The following IQSEC1 variants were observed in gnomAD, a reference collection of about 807,000 sequenced individuals.
IQSEC1 encodes the protein IQ motif and SEC7 domain-containing protein 1.
Under a neutral mutation model 91.0 loss-of-function variants are expected in IQSEC1, and 31 were observed. The ratio of observed to expected loss-of-function variants is 0.34; its 90% confidence interval spans 0.26 to 0.46. The LOEUF is 0.46. Among genes scored for constraint, IQSEC1 ranks in the 20% least tolerant of loss-of-function variants. IQSEC1 has a pLI of 1.00. For synonymous variants in IQSEC1, 699 were observed against 662.6 expected (o/e 1.05, Z -0.84); for missense variants, 1,388 against 1,575.6 (o/e 0.88, Z 2.02).
intron 1 of IQSEC1, among the ~76,000 whole-genome samples, chr3:12,981,838 C>T (rs1441107334): frequency 6.6e-6 from 1 of 152,182 alleles, no homozygotes; most frequent in Non-Finnish European, 1.5e-5. Context: ...GGTCAGGAGC[C>T]GGGTGAGACC....
At chr3:13,208,620 G>C (rs557116998) in intron 1 of IQSEC1, among the ~76,000 whole-genome samples, 6 of 152,326 alleles carry the variant, frequency 3.9e-5, no homozygotes, top group Non-Finnish European at 7.4e-5. Context: ...GATGAGCTCT[G>C]GCCTGACCCA....
chr3:12,916,247 G>A (rs1453850498), intron 6 of IQSEC1, among the ~76,000 whole-genome samples: 1 of 152,200 alleles, frequency 6.6e-6, no homozygotes, highest in Non-Finnish European at 1.5e-5. Context: ...CCACAGCACA[G>A]GCTTGTTGTG....
intron 1 of IQSEC1, among the ~76,000 whole-genome samples, chr3:12,950,827 T>C (rs918334998): frequency 6.6e-6 from 1 of 152,052 alleles, no homozygotes; most frequent in African/African-American, 2.4e-5. Flanking sequence ...TTTGTATTTT[T>C]AGTAGAGACG....
At chr3:13,195,011 T>C (rs998286554) in intron 1 of IQSEC1, among the ~76,000 whole-genome samples, 6 of 152,084 alleles carry the variant, frequency 3.9e-5, no homozygotes, top group African/African-American at 1.2e-4. Flanking sequence ...CTCAGCAAAA[T>C]TGTAAAATGT....
chr3:12,990,695 A>G (rs1001669505), intron 1 of IQSEC1, among the ~76,000 whole-genome samples: 3 of 152,160 alleles, frequency 2.0e-5, no homozygotes, highest in African/African-American at 7.2e-5. Flanking sequence ...ACAGACTGGT[A>G]AACTGCTGGG....
At chr3:13,191,765 A>T (rs774559560) in intron 1 of IQSEC1, among the ~76,000 whole-genome samples, 1 of 152,210 alleles carries the variant, frequency 6.6e-6, no homozygotes, top group Non-Finnish European at 1.5e-5. Flanking sequence ...GTCCTCTTTG[A>T]TAATTTCCTT....
At chr3:13,154,941 A>T (rs1707062216) in intron 2 of IQSEC1, among the ~76,000 whole-genome samples, 1 of 152,204 alleles carries the variant, frequency 6.6e-6, no homozygotes, top group Non-Finnish European at 1.5e-5. Context: ...CTTAGAGGAG[A>T]AGAAAAAAAA....
chr3:13,279,761 G>A (rs1253270596), intron 1 of IQSEC1, among the ~76,000 whole-genome samples: 1 of 152,190 alleles, frequency 6.6e-6, no homozygotes, highest in Non-Finnish European at 1.5e-5. Flanking sequence ...CAGGGCCTCT[G>A]TGTGCAGGTA....
chr3:13,275,442 C>T (rs1241407200), intron 1 of IQSEC1, among the ~76,000 whole-genome samples: 2 of 152,194 alleles, frequency 1.3e-5, no homozygotes, highest in Non-Finnish European at 2.9e-5. Flanking sequence ...CTGGTCTGTG[C>T]CCATCTGGGC....
Position 12,901,165 on chromosome 3 carries a change from C to CGTGCTGGATGTGCTGGGGTGG in IQSEC1, c.3142_3162dup (p.Pro1048_His1054dup), listed in dbSNP as rs1559595361. 6.5e-7 allele frequency: 1 copy of CGTGCTGGATGTGCTGGGGTGG among 1,542,762 alleles called. No individual in the cohort carries two copies. The highest frequency in any genetic ancestry group is 1.4e-5 in the African/African-American group (1 of 72,768). ...TGGGGGCCGTGGTGGTACTGGTGTG[C>CGTGCTGGATGTGCTGGGGTGG]GTGCTGGATGTGCTGGGGTGGGTGG... On this transcript the variant is annotated inframe_insertion, in exon 14 of 14. Transcript: ENST00000613206.
intron 1 of IQSEC1, among the ~76,000 whole-genome samples, chr3:13,173,302 G>A (rs566264719): frequency 2.0e-5 from 3 of 152,302 alleles, no homozygotes; most frequent in South Asian, 4.1e-4. Flanking sequence ...TCTGAGTCTC[G>A]TGTCCCCTCC....
intron 1 of IQSEC1, among the ~76,000 whole-genome samples, chr3:12,944,425 C>T (rs755209711): frequency 6.6e-6 from 1 of 152,216 alleles, no homozygotes; most frequent in African/African-American, 2.4e-5. Flanking sequence ...TGCAGGGGAG[C>T]GTTGGCCTCG....
chr3:12,922,110 C>A lies in IQSEC1; in HGVS notation c.1853+10G>T. The A allele has an allele frequency of 2.5e-6, 4 of 1,575,378 alleles. No individual in the cohort carries two copies. The South Asian group carries it at 4.5e-5, about 18-fold the overall frequency. ...CCTGATGCAGCAGCCCCAGCCAGCC[C>A]GGGCCCCACCTGAACGCCTCTATGA... On this transcript the variant is annotated intron_variant, in intron 5 of 13. Transcript: ENST00000613206. This position sits in a 1 kb window ranked among gnomAD's most constrained non-coding sequence, Gnocchi z 5.1.
chr3:13,222,674 G>A (rs1300665595), intron 1 of IQSEC1, among the ~76,000 whole-genome samples: 1 of 152,204 alleles, frequency 6.6e-6, no homozygotes, highest in Non-Finnish European at 1.5e-5. Context: ...GGCCAAGCTC[G>A]GTGGTAGAGG....
rs765723607 is a variant in IQSEC1 at position 12,935,988 on chromosome 3, G to C, written c.1028C>G (p.Thr343Arg). 1 of 1,599,640 alleles carries C rather than the reference G, an allele frequency of 6.3e-7. No homozygotes were observed. Among genetic ancestry groups the C allele is most frequent in the South Asian group, 1.1e-5 (1 of 91,054 alleles). The change falls in exon 3 of 14, where the codon ACG (threonine) becomes AGG (arginine). Residue 343 changes from threonine (T) to arginine (R), a missense_variant. Around this residue, in one of 2 missense-constraint regions of IQSEC1, gnomAD observed 1,059 missense variants for 1,317.8 expected, o/e 0.80. Transcript: ENST00000613206. This position sits in a 1 kb window ranked among gnomAD's most constrained non-coding sequence, Gnocchi z 8.0. ...CAGCGACGGCGTGCTCCGGCAGCTC[G>C]TGTCCGTGTCAGCCTTGTCCTCTTT... ...AHKEDKADTD[T>R]SCRSTPSLER...
chr3:12,967,530 C>CGCCGGATCCCGGG lies in IQSEC1; in HGVS notation c.24-25678_24-25666dup. On this transcript the variant is annotated intron_variant, in intron 1 of 13. Transcript: ENST00000613206. The surrounding 1 kb of genome is among the most constrained non-coding windows in gnomAD (Gnocchi z 5.9). ...AGGCCGCCGACTCCCGCCAGCGAGC[C>CGCCGGATCCCGGG]GCCGGATCCCGGGGCCGACACCCGG... 7.2e-7 allele frequency: 1 copy of CGCCGGATCCCGGG among 1,389,696 alleles called. No homozygotes were observed. 86.1% of individuals were successfully genotyped at this position (1,389,696 alleles called of 1,614,324 possible). A position where few individuals can be genotyped will look rare whatever the true frequency, so the allele number is the denominator to read the frequency against.
chr3:13,134,192 G>T lies in IQSEC1; in HGVS notation c.302+29912C>A, dbSNP rs74472347. On this transcript the variant is annotated intron_variant, in intron 2 of 15. Coordinates refer to the IQSEC1 transcript ENST00000648114. Reference sequence around the variant, plus strand: ...GGATAGCATGGCCTCTAGGGTCCTGGCCAGTTGCCCCTCGTCAGGGCTGGA... The same window carrying T: ...GGATAGCATGGCCTCTAGGGTCCTGTCCAGTTGCCCCTCGTCAGGGCTGGA... 7.9e-4 allele frequency among the ~76,000 whole-genome samples: 120 copies of T among 152,344 alleles called. 4 individuals are homozygous for T. In the East Asian group the frequency reaches 0.02, roughly 25 times the overall value.
At chr3:13,020,533 C>T (rs1287452417) in intron 1 of IQSEC1, among the ~76,000 whole-genome samples, 1 of 152,338 alleles carries the variant, frequency 6.6e-6, no homozygotes, top group South Asian at 2.1e-4. Context: ...TTTCCCCTTT[C>T]CCTTTGGCTG....
In IQSEC1 at chr3:12,899,094, C is replaced by G. The variant is rs1693944581; in HGVS notation, c.*1889G>C. On this transcript the variant is annotated 3_prime_UTR_variant, in exon 14 of 14. Transcript: ENST00000613206. ...CTCTAGATTGCTGTATTTGCTCTCT[C>G]TGGAGATTAACAAAGTGCTTGGTTT... 2 of 493,508 alleles carry G rather than the reference C, an allele frequency of 4.1e-6. No individual in the cohort carries two copies. The highest frequency in any genetic ancestry group is 7.3e-6 in the Non-Finnish European group (2 of 272,306). The allele number at this position is 493,508 out of a possible 1,614,324, so 30.6% of individuals were successfully genotyped here.
Sources: gnomAD v4.1 joint callset for allele counts (sites outside exome capture counted in the v4.1 genomes callset) on GRCh38, gnomAD v4.1.1 for gene constraint, gnomAD v4.1.1 regional missense constraint, Gnocchi (gnomAD v3.1) non-coding constraint, MANE v1.5 for transcripts, NCBI Gene and HGNC (gene_info 2026-07-23, HGNC 2026-07-21) for gene names.